IL1RAPL1: variants seen among roughly 807,000 people sequenced by gnomAD.
The protein encoded by IL1RAPL1 is interleukin 1 receptor accessory protein like 1, also known as interleukin-1 receptor accessory protein-like 1.
IL1RAPL1 carries 3 observed loss-of-function variants against 48.4 expected under a neutral mutation model. The ratio of observed to expected loss-of-function variants is 0.06; its 90% CI spans 0.03 to 0.16. The LOEUF is 0.16. IL1RAPL1 is among the 10% of genes least tolerant of loss of function. IL1RAPL1 has a pLI of 1.00. For synonymous variants in IL1RAPL1, 185 were observed against 187.7 expected (o/e 0.99, Z 0.12); for missense variants, 349 against 530.6 (o/e 0.66, Z 3.36).
intron 2 of IL1RAPL1, among the ~76,000 whole-genome samples, chrX:29,124,550 A>T (rs950174508): frequency 8.9e-6 from 1 of 112,195 alleles, no homozygotes; most frequent in Non-Finnish European, 1.9e-5. Context: ...ACATCCAACA[A>T]GAAGTCTTGG....
At chrX:28,933,999 T>G (rs1923951670) in intron 2 of IL1RAPL1, among the ~76,000 whole-genome samples, 1 of 111,408 alleles carries the variant, frequency 9.0e-6, no homozygotes, top group African/African-American at 3.3e-5. Flanking sequence ...ATTGCCATCT[T>G]CGGTTTGGTG....
At chrX:29,068,192 A>G (rs1927489635) in intron 2 of IL1RAPL1, among the ~76,000 whole-genome samples, 1 of 112,729 alleles carries the variant, frequency 8.9e-6, no homozygotes, top group Non-Finnish European at 1.9e-5. Flanking sequence ...TCAGTTACAT[A>G]GCTTTAAAAC....
intron 2 of IL1RAPL1, among the ~76,000 whole-genome samples, chrX:29,110,944 A>G (rs1928552035): frequency 9.0e-6 from 1 of 111,344 alleles, no homozygotes; most frequent in Admixed American, 9.6e-5. Context: ...GATAACCACT[A>G]TTAGCATTTG....
chrX:29,845,856 G>A lies in IL1RAPL1; in HGVS notation c.779-71608G>A, dbSNP rs763797155. Among the ~76,000 whole-genome samples, 5 of 111,018 alleles carry A rather than the reference G, an allele frequency of 4.5e-5. No homozygotes were observed. In the South Asian group the frequency reaches 1.6e-3, roughly 35 times the overall value. The stretch of plus-strand genomic sequence containing the variant: ...AGAAAGGCAAAAGGTGAGCAGGCGC[G>A]TAACTTGGCAGAAACAGCAGCAAGA... On this transcript the variant is annotated intron_variant, in intron 6 of 10. Coordinates refer to ENST00000378993, the MANE Select transcript of IL1RAPL1 (RefSeq NM_014271.4).
At chrX:28,945,903 A>ATATG (rs1282562909) in intron 2 of IL1RAPL1, among the ~76,000 whole-genome samples, 10,749 of 97,406 alleles carry the variant, frequency 0.11, 612 homozygotes, top group South Asian at 0.34. Context: ...ATATATATAT[A>ATATG]TGTGTGTGTG....
At chrX:29,557,533 A>C (rs145134130) in intron 5 of IL1RAPL1, among the ~76,000 whole-genome samples, 3,863 of 111,682 alleles carry the variant, frequency 0.035, 189 homozygotes, top group African/African-American at 0.12. Context: ...TGGTGAGAAC[A>C]CTTAAGATCT....
intron 5 of IL1RAPL1, among the ~76,000 whole-genome samples, chrX:29,406,727 G>T (rs1290309963): frequency 1.9e-5 from 2 of 105,820 alleles, no homozygotes; most frequent in Non-Finnish European, 3.8e-5. Flanking sequence ...ATATTGTTAA[G>T]TCAAATGCCT....
intron 6 of IL1RAPL1, among the ~76,000 whole-genome samples, chrX:29,847,175 A>G (rs1204331745): frequency 8.9e-6 from 1 of 112,190 alleles, no homozygotes; most frequent in Non-Finnish European, 1.9e-5. Context: ...ATCTAGAAAT[A>G]AGACCACGAG....
chrX:29,118,843 A>G (rs186562425), intron 2 of IL1RAPL1, among the ~76,000 whole-genome samples: 2 of 111,769 alleles, frequency 1.8e-5, no homozygotes. Flanking sequence ...TTTTGAAACA[A>G]GTTTACCTAG....
At chrX:29,723,918 G>T (rs1027372828) in intron 6 of IL1RAPL1, among the ~76,000 whole-genome samples, 1 of 110,861 alleles carries the variant, frequency 9.0e-6, no homozygotes, top group Non-Finnish European at 1.9e-5. Flanking sequence ...GGGTTCAAAT[G>T]ATTCCCCTGC....
At chrX:29,546,454 A>AAT (rs1404669694) in intron 5 of IL1RAPL1, among the ~76,000 whole-genome samples, 2 of 111,803 alleles carry the variant, frequency 1.8e-5, no homozygotes, top group Admixed American at 9.5e-5. Flanking sequence ...TCTGCGAAGA[A>AAT]ATATATATAT....
At chrX:29,069,088 C>T (rs974052071) in intron 2 of IL1RAPL1, among the ~76,000 whole-genome samples, 13 of 111,973 alleles carry the variant, frequency 1.2e-4, no homozygotes, top group African/African-American at 4.2e-4. Flanking sequence ...ATTCAAGCAC[C>T]CAGCTTTCTT....
At chrX:29,822,374 TTAAAA>T (rs1483346362) in intron 6 of IL1RAPL1, among the ~76,000 whole-genome samples, 3 of 111,321 alleles carry the variant, frequency 2.7e-5, no homozygotes, top group Non-Finnish European at 5.7e-5. Context: ...AATGAGGTTA[TTAAAA>T]TAATATGTAT....
intron 1 of IL1RAPL1, among the ~76,000 whole-genome samples, chrX:28,778,225 T>A (rs1936379433): frequency 8.9e-6 from 1 of 112,402 alleles, no homozygotes; most frequent in Admixed American, 9.5e-5. Context: ...ATTAGAGCTC[T>A]AATTGGCATA....
intron 5 of IL1RAPL1, among the ~76,000 whole-genome samples, chrX:29,521,848 A>G (rs1240753429): frequency 8.9e-6 from 1 of 111,886 alleles, no homozygotes; most frequent in Non-Finnish European, 1.9e-5. Flanking sequence ...AGAGGGGGAA[A>G]TAGGCTTTTT....
chrX:29,447,066 T>G (rs1313517010), intron 5 of IL1RAPL1, among the ~76,000 whole-genome samples: 2 of 111,623 alleles, frequency 1.8e-5, no homozygotes, highest in African/African-American at 3.2e-5. Flanking sequence ...CTAAATACAT[T>G]TATAAAAATA....
intron 5 of IL1RAPL1, among the ~76,000 whole-genome samples, chrX:29,572,575 G>A (rs1922629661): frequency 1.8e-5 from 2 of 112,184 alleles, no homozygotes; most frequent in South Asian, 7.3e-4. Context: ...TAGAGGCATT[G>A]TTTAAAAATA....
intron 6 of IL1RAPL1, among the ~76,000 whole-genome samples, chrX:29,892,180 A>G (rs1231602226): frequency 8.9e-6 from 1 of 112,371 alleles, no homozygotes; most frequent in Non-Finnish European, 1.9e-5. Flanking sequence ...ATGTACAATT[A>G]CTTTTTCAAT....
At chrX:29,142,825 C>A in intron 2 of IL1RAPL1, among the ~76,000 whole-genome samples, 1 of 109,914 alleles carries the variant, frequency 9.1e-6, no homozygotes, top group Non-Finnish European at 1.9e-5. Context: ...CTCAGCCTCC[C>A]AAGTAGCTGG....
Sources: gnomAD v4.1 joint callset for allele counts (sites outside exome capture counted in the v4.1 genomes callset) on GRCh38, gnomAD v4.1.1 for gene constraint, MANE v1.5 for transcripts, NCBI Gene and HGNC (gene_info 2026-07-23, HGNC 2026-07-21) for gene names.